The following HS6ST3 variants were observed in gnomAD, a reference collection of about 807,000 sequenced individuals.
HS6ST3 encodes heparan sulfate 6-O-sulfotransferase 3, also known as heparan-sulfate 6-O-sulfotransferase 3.
In HS6ST3, 12 loss-of-function variants were observed where a neutral mutation model predicts 36.7. The observed-to-expected ratio is 0.33, with a 90% CI of 0.21 to 0.53. The LOEUF (loss-of-function observed/expected upper bound fraction) is 0.53, where lower values mean the gene tolerates loss of function less well. Among genes scored for constraint, HS6ST3 ranks in the 20% least tolerant of loss-of-function variants. The probability of loss-of-function intolerance (pLI) is 0.95; values close to 1 mark genes in which losing one functional copy is unlikely to be tolerated. For missense variants in HS6ST3, 584 were observed against 640.9 expected (o/e 0.91, Z 0.96); for synonymous variants, 240 against 257.5 (o/e 0.93, Z 0.65).
chr13:96,727,211 G>C (rs1358646856), intron 1 of HS6ST3, among the ~76,000 whole-genome samples: 3 of 152,130 alleles, frequency 2.0e-5, no homozygotes, highest in Non-Finnish European at 4.4e-5. Context: ...ATCTTGAGGA[G>C]ACCCTGGTTT....
In HS6ST3 at chr13:96,348,218, C is replaced by T. The variant is rs73550648; in HGVS notation, c.707+256649C>T. ...TGACTGGAAAATTCAAGGATGTCAA[C>T]TGAAAGAAACTAATACAACTATAGA... On this transcript the variant is annotated intron_variant, in intron 1 of 1. Coordinates refer to ENST00000376705, the MANE Select transcript of HS6ST3 (RefSeq NM_153456.4). Among the ~76,000 whole-genome samples, 636 of 152,286 alleles carry T rather than the reference C, an allele frequency of 4.2e-3. 1 individual carries two copies. Among genetic ancestry groups the T allele is most frequent in the African/African-American group, 0.015 (604 of 41,564 alleles).
intron 1 of HS6ST3, among the ~76,000 whole-genome samples, chr13:96,465,441 A>T (rs891407246): frequency 1.3e-5 from 2 of 152,238 alleles, no homozygotes; most frequent in Non-Finnish European, 2.9e-5. Context: ...CTTCCCACGG[A>T]TAAATCATGC....
chr13:96,343,183 T>C (rs1490031874), intron 1 of HS6ST3, among the ~76,000 whole-genome samples: 1 of 152,158 alleles, frequency 6.6e-6, no homozygotes, highest in African/African-American at 2.4e-5. Context: ...CCTGTATGAG[T>C]TTACTGCTGC....
At chr13:96,129,700 T>G (rs916880603) in intron 1 of HS6ST3, among the ~76,000 whole-genome samples, 3 of 152,168 alleles carry the variant, frequency 2.0e-5, no homozygotes, top group African/African-American at 7.2e-5. Context: ...TACCTCAGAG[T>G]GTGGCCTTAT....
At chr13:96,368,802 T>G (rs2055275826) in intron 1 of HS6ST3, among the ~76,000 whole-genome samples, 1 of 152,116 alleles carries the variant, frequency 6.6e-6, no homozygotes, top group Non-Finnish European at 1.5e-5. Flanking sequence ...GTTATGATAT[T>G]GGAAAAGTTG....
chr13:96,150,928 T>C (rs1566894119), intron 1 of HS6ST3, among the ~76,000 whole-genome samples: 1 of 152,238 alleles, frequency 6.6e-6, no homozygotes. Context: ...GTCTATATTC[T>C]TAAGGGGAAC....
chr13:96,205,917 C>A (rs2054367729), intron 1 of HS6ST3, among the ~76,000 whole-genome samples: 1 of 152,086 alleles, frequency 6.6e-6, no homozygotes, highest in Non-Finnish European at 1.5e-5. Flanking sequence ...ACAGGGATAC[C>A]CTCTCTCACC....
At chr13:96,779,868 G>A (rs915800483) in intron 1 of HS6ST3, among the ~76,000 whole-genome samples, 1 of 152,026 alleles carries the variant, frequency 6.6e-6, no homozygotes, top group African/African-American at 2.4e-5. Context: ...TTCAAGTTGA[G>A]AGACTGGAAA....
chr13:96,620,070 A>C (rs1464205789), intron 1 of HS6ST3, among the ~76,000 whole-genome samples: 1 of 152,194 alleles, frequency 6.6e-6, no homozygotes. Flanking sequence ...CATCTTCTGG[A>C]AAGTTTATAG....
At chr13:96,322,180 G>T (rs994172939) in intron 1 of HS6ST3, among the ~76,000 whole-genome samples, 5 of 152,132 alleles carry the variant, frequency 3.3e-5, no homozygotes, top group South Asian at 4.2e-4. Context: ...ATTATTCCAG[G>T]ATTTTCCTGC....
chr13:96,485,213 C>T (rs1326728367), intron 1 of HS6ST3, among the ~76,000 whole-genome samples: 1 of 152,124 alleles, frequency 6.6e-6, no homozygotes, highest in African/African-American at 2.4e-5. Context: ...TCTTCCTATC[C>T]ATGAACATGG....
Position 96,203,201 on chromosome 13 carries a change from A to C in HS6ST3, c.707+111632A>C, listed in dbSNP as rs561430442. On this transcript the variant is annotated intron_variant, in intron 1 of 1. Transcript: ENST00000376705. ...AATACAATAGACAGGGTGGCTTATA[A>C]GCAGCAGGAATTTATTTCTGACAGT... 1.1e-4 allele frequency among the ~76,000 whole-genome samples: 17 copies of C among 152,302 alleles called. No homozygotes were observed. The South Asian group carries it at 3.3e-3, about 30-fold the overall frequency.
At chr13:96,814,817 TCTA>T (rs1036744320) in intron 1 of HS6ST3, among the ~76,000 whole-genome samples, 1 of 152,208 alleles carries the variant, frequency 6.6e-6, no homozygotes, top group Non-Finnish European at 1.5e-5. Flanking sequence ...TCTAAGAACT[TCTA>T]CTTTTTTTCT....
Position 96,090,544 on chromosome 13 carries a change from G to T in HS6ST3, c.-319G>T, listed in dbSNP as rs1436403612. 1.4e-5 allele frequency among the ~76,000 whole-genome samples: 2 copies of T among 146,296 alleles called. No homozygotes were observed. On this transcript the variant is annotated 5_prime_UTR_variant, in exon 1 of 2. Transcript: ENST00000376705. ...CTGCAAGCCGCCGGCGGGATGCCGC[G>T]CGTCGCCTGAGAGAGCCGCGCCGGG...
intron 1 of HS6ST3, among the ~76,000 whole-genome samples, chr13:96,151,039 T>C (rs2054082375): frequency 6.6e-6 from 1 of 152,188 alleles, no homozygotes; most frequent in African/African-American, 2.4e-5. Context: ...ACAGCAGATA[T>C]GCCTACCAAC....
chr13:96,372,666 G>A (rs1002485167), intron 1 of HS6ST3, among the ~76,000 whole-genome samples: 2 of 152,112 alleles, frequency 1.3e-5, no homozygotes, highest in African/African-American at 4.8e-5. Context: ...TGTGTATAGT[G>A]TAAGAGAAGG....
intron 1 of HS6ST3, among the ~76,000 whole-genome samples, chr13:96,790,675 C>A (rs1877765736): frequency 6.6e-6 from 1 of 151,984 alleles, no homozygotes; most frequent in African/African-American, 2.4e-5. Context: ...CCAAATAGAA[C>A]TTCAGAAGAC....
At chr13:96,666,890 C>T (rs2056665850) in intron 1 of HS6ST3, among the ~76,000 whole-genome samples, 1 of 151,996 alleles carries the variant, frequency 6.6e-6, no homozygotes, top group Non-Finnish European at 1.5e-5. Context: ...TTTTATGTAA[C>T]ATTTTACATT....
Position 96,691,712 on chromosome 13 carries a change from G to A in HS6ST3, c.708-140778G>A, listed in dbSNP as rs528030671. ...TTGAAACAACCTGAACACTCACTCA[G>A]CAGAGAAAAGGTGTCAAAGATAAAT... is the stretch of plus-strand genomic sequence containing the variant. On this transcript the variant is annotated intron_variant, in intron 1 of 1. Transcript: ENST00000376705. 7.9e-5 allele frequency among the ~76,000 whole-genome samples: 12 copies of A among 151,384 alleles called. No homozygotes were observed. In the East Asian group the frequency reaches 2.1e-3, roughly 27 times the overall value.
Sources: gnomAD v4.1 joint callset for allele counts (sites outside exome capture counted in the v4.1 genomes callset) on GRCh38, gnomAD v4.1.1 for gene constraint, MANE v1.5 for transcripts, NCBI Gene and HGNC (gene_info 2026-07-23, HGNC 2026-07-21) for gene names.